PAX7: variants seen among roughly 807,000 people sequenced by gnomAD.
PAX7 encodes paired box protein Pax-7.
In PAX7, 18 loss-of-function variants were observed where a neutral mutation model predicts 50.7. The ratio of observed to expected loss-of-function variants is 0.36; its 90% confidence interval spans 0.25 to 0.53. The LOEUF is 0.53. Ranked by LOEUF, PAX7 falls within the 20% of genes least tolerant of loss-of-function variation. The pLI is 0.93. For synonymous variants in PAX7, 310 were observed against 290.4 expected, an observed-to-expected ratio of 1.07 and a Z score of -0.69; for missense variants, 644 against 702.9, an observed-to-expected ratio of 0.92 and a Z score of 0.95.
intron 7 of PAX7, among the ~76,000 whole-genome samples, chr1:18,724,072 C>T (rs562657045): frequency 6.6e-5 from 10 of 152,340 alleles, no homozygotes; most frequent in South Asian, 2.1e-4. Context: ...CGGCTCAGGC[C>T]GCTGCGTGCT....
chr1:18,635,511 T>TAGGAAGGAAGGAAGGAAAGAAGGAAGGA lies in PAX7; in HGVS notation c.451+281_451+308dup, dbSNP rs2088138351. On this transcript the variant is annotated intron_variant, in intron 3 of 8. Coordinates refer to ENST00000420770, the MANE Select transcript of PAX7 (RefSeq NM_001135254.2). ...GGGAGGAAGAAGGAAGGAAGGAAGG[T>TAGGAAGGAAGGAAGGAAAGAAGGAAGGA]AGGAAGGAAGGAAGGAAAGAAGGAA... is the stretch of plus-strand genomic sequence containing the variant. 8.9e-4 allele frequency among the ~76,000 whole-genome samples: 120 copies of TAGGAAGGAAGGAAGGAAAGAAGGAAGGA among 134,422 alleles called. 3 individuals are homozygous for TAGGAAGGAAGGAAGGAAAGAAGGAAGGA. Among genetic ancestry groups the TAGGAAGGAAGGAAGGAAAGAAGGAAGGA allele is most frequent in the Admixed American group, 8.6e-3 (115 of 13,440 alleles). The allele number at this position is 134,422 out of a possible 152,430, so 88.2% of individuals were successfully genotyped here.
chr1:18,675,913 G>A, intron 4 of PAX7, among the ~76,000 whole-genome samples: 1 of 152,178 alleles, frequency 6.6e-6, no homozygotes, highest in East Asian at 1.9e-4. Context: ...GCAGGTGACA[G>A]CCCTCACTTA....
intron 7 of PAX7, among the ~76,000 whole-genome samples, chr1:18,725,703 C>A (rs953311086): frequency 6.6e-6 from 1 of 152,222 alleles, no homozygotes; most frequent in Non-Finnish European, 1.5e-5. Context: ...CCCTTCCCCC[C>A]GAGCCTCGCC....
chr1:18,736,256 G>A, intron 8 of PAX7: 1 of 468,712 alleles, frequency 2.1e-6, no homozygotes, highest in South Asian at 3.0e-5. Flanking sequence ...CTTGAGCCCA[G>A]GAGTTCAAGA....
intron 8 of PAX7, among the ~76,000 whole-genome samples, chr1:18,741,521 A>G (rs984380953): frequency 2.4e-4 from 36 of 152,338 alleles, no homozygotes; most frequent in African/African-American, 8.4e-4. Context: ...TGCCCTAAAC[A>G]GCCTTACTTG....
At chr1:18,736,245 A>T in intron 8 of PAX7, 1 of 491,556 alleles carries the variant, frequency 2.0e-6, no homozygotes, top group Non-Finnish European at 3.6e-6. Context: ...CAAACGAATC[A>T]CTTGAGCCCA....
At chr1:18,702,857 G>C (rs2089238850) in intron 6 of PAX7, among the ~76,000 whole-genome samples, 1 of 152,188 alleles carries the variant, frequency 6.6e-6, no homozygotes, top group South Asian at 2.1e-4. Context: ...ACAGTGGCTG[G>C]TGTGCACCTG....
chr1:18,686,215 C>A (rs967127927), intron 4 of PAX7, among the ~76,000 whole-genome samples: 1 of 152,192 alleles, frequency 6.6e-6, no homozygotes, highest in Non-Finnish European at 1.5e-5. Context: ...GTTTCTCCCC[C>A]ATGAGATTGG....
chr1:18,661,449 G>GCAGA (rs1359375796), intron 4 of PAX7, among the ~76,000 whole-genome samples: 3 of 152,172 alleles, frequency 2.0e-5, no homozygotes, highest in Non-Finnish European at 4.4e-5. Flanking sequence ...GCTCCTTGAT[G>GCAGA]GGCATGCAGA....
intron 8 of PAX7, among the ~76,000 whole-genome samples, chr1:18,742,397 C>A (rs1394950779): frequency 1.3e-5 from 2 of 152,134 alleles, no homozygotes; most frequent in Non-Finnish European, 2.9e-5. Flanking sequence ...ACCTCGTGAT[C>A]CACCCACCTT....
chr1:18,672,605 T>G (rs999661453), intron 4 of PAX7, among the ~76,000 whole-genome samples: 11 of 146,702 alleles, frequency 7.5e-5, no homozygotes, highest in East Asian at 3.9e-4. Context: ...TGTTTTTTTT[T>G]TTTTTTTTTT....
chr1:18,661,473 G>A (rs565887916), intron 4 of PAX7, among the ~76,000 whole-genome samples: 4 of 152,266 alleles, frequency 2.6e-5, no homozygotes, highest in Admixed American at 1.3e-4. Flanking sequence ...TGAGAGGATC[G>A]AACTGGCCTT....
At chr1:18,691,535 A>C (rs992054448) in intron 4 of PAX7, among the ~76,000 whole-genome samples, 4 of 152,228 alleles carry the variant, frequency 2.6e-5, no homozygotes, top group African/African-American at 9.6e-5. Flanking sequence ...TATTTAAGCA[A>C]TACTCTAGGG....
intron 1 of PAX7, among the ~76,000 whole-genome samples, chr1:18,633,962 G>A (rs2088101953): frequency 6.6e-6 from 1 of 152,222 alleles, no homozygotes; most frequent in Non-Finnish European, 1.5e-5. Context: ...TCTGTCTGCA[G>A]TCTCATCTTC....
At chr1:18,707,570 G>A (rs1030330040) in intron 7 of PAX7, among the ~76,000 whole-genome samples, 23 of 151,840 alleles carry the variant, frequency 1.5e-4, no homozygotes, top group African/African-American at 5.3e-4. Flanking sequence ...CTACAGGCAT[G>A]CGCCACCATG....
At position 18,636,278 on chromosome 1, in the gene PAX7, G is replaced by C; in HGVS notation, c.493G>C (p.Gly165Arg). Reference sequence around the variant, plus strand: ...TAGCCGCGTGCTCAGAATCAAGTTCGGGAAGAAAGAGGAGGAGGATGAAGC... The same window carrying C: ...TAGCCGCGTGCTCAGAATCAAGTTCCGGAAGAAAGAGGAGGAGGATGAAGC... ...SISRVLRIKF[G>R]KKEEEDEADK... Residue 165 changes from glycine (G) to arginine (R), a missense_variant, in exon 4 of 9, where the codon GGG (glycine) becomes CGG (arginine). Transcript: ENST00000420770. This position sits in a 1 kb window ranked among gnomAD's most constrained non-coding sequence, Gnocchi z 5.1. The C allele has an allele frequency of 6.2e-7, 1 of 1,614,212 alleles. No individual in the cohort carries two copies. The highest frequency in any genetic ancestry group is 8.5e-7 in the Non-Finnish European group (1 of 1,180,018).
chr1:18,655,394 G>C (rs563910571), intron 4 of PAX7, among the ~76,000 whole-genome samples: 11 of 152,358 alleles, frequency 7.2e-5, no homozygotes, highest in African/African-American at 2.4e-4. Flanking sequence ...TGGGGACTCA[G>C]TGGGGGAGGA....
At chr1:18,725,535 A>AG (rs1202550437) in intron 7 of PAX7, among the ~76,000 whole-genome samples, 5 of 152,098 alleles carry the variant, frequency 3.3e-5, no homozygotes, top group Admixed American at 1.3e-4. Flanking sequence ...GCCGCAGAAG[A>AG]GGGGGAGCAG....
intron 7 of PAX7, among the ~76,000 whole-genome samples, chr1:18,716,169 G>A (rs1340934404): frequency 2.0e-5 from 3 of 152,226 alleles, no homozygotes; most frequent in Non-Finnish European, 4.4e-5. Context: ...TAAGGGCAGG[G>A]GAGGCTCCTC....
Sources: gnomAD v4.1 joint callset for allele counts (sites outside exome capture counted in the v4.1 genomes callset) on GRCh38, gnomAD v4.1.1 for gene constraint, Gnocchi (gnomAD v3.1) non-coding constraint, MANE v1.5 for transcripts, NCBI Gene and HGNC (gene_info 2026-07-23, HGNC 2026-07-21) for gene names.